GREM2: variants seen among roughly 807,000 people sequenced by gnomAD.
The protein encoded by GREM2 is gremlin-2.
Under a neutral mutation model 14.2 loss-of-function variants are expected in GREM2, and 11 were observed. The ratio of observed to expected loss-of-function variants is 0.78; its 90% CI spans 0.49 to 1.28. The LOEUF (loss-of-function observed/expected upper bound fraction) is 1.28. GREM2 is among the 50% of genes most tolerant of loss of function. GREM2 has a pLI of 0.00. For synonymous variants in GREM2, 98 were observed against 97.6 expected (o/e 1.00, Z -0.02); for missense variants, 210 against 218.5 (o/e 0.96, Z 0.24).
At chr1:240,539,819 A>G (rs1246687372) in intron 1 of GREM2, among the ~76,000 whole-genome samples, 1 of 152,036 alleles carries the variant, frequency 6.6e-6, no homozygotes, top group Non-Finnish European at 1.5e-5. Context: ...CTGGAAACCA[A>G]TTCTGCCTTC....
At chr1:240,527,421 A>G (rs2103310348) in intron 1 of GREM2, among the ~76,000 whole-genome samples, 2 of 152,282 alleles carry the variant, frequency 1.3e-5, no homozygotes, top group East Asian at 3.9e-4. Flanking sequence ...TTTTGAACCA[A>G]CTTCTTAGTG....
At position 240,543,489 on chromosome 1, in the gene GREM2, A is replaced by C. The variant is rs1430129060; in HGVS notation, c.-1-50013T>G. Among the ~76,000 whole-genome samples the C allele has an allele frequency of 2.6e-5, 4 of 152,264 alleles. No homozygotes were observed. The East Asian group carries it at 7.7e-4, about 29-fold the overall frequency. On this transcript the variant is annotated intron_variant, in intron 1 of 1. Transcript: ENST00000318160. The surrounding 1 kb of genome is among the most constrained non-coding windows in gnomAD (Gnocchi z 6.4). ...GTGAGACTTATTCACTACCATGATA[A>C]CAGTAGGGGGGAAACCGCCCTTGTG...
At chr1:240,522,572 C>A in intron 1 of GREM2, among the ~76,000 whole-genome samples, 1 of 152,102 alleles carries the variant, frequency 6.6e-6, no homozygotes, top group South Asian at 2.1e-4. Flanking sequence ...GTAAAAGGCA[C>A]CTCTATGTTA....
chr1:240,522,138 A>AAAAAAAAC (rs1558148106), intron 1 of GREM2, among the ~76,000 whole-genome samples: 1 of 150,758 alleles, frequency 6.6e-6, no homozygotes, highest in African/African-American at 2.5e-5. Flanking sequence ...AAAAAAAACA[A>AAAAAAAAC]AAACAAACAA....
At chr1:240,591,681 G>A (rs747433498) in intron 1 of GREM2, among the ~76,000 whole-genome samples, 10 of 152,080 alleles carry the variant, frequency 6.6e-5, no homozygotes, top group African/African-American at 1.2e-4. Flanking sequence ...AGATGATCAC[G>A]GATTGGGTTG....
At chr1:240,510,736 T>G (rs1677806098) in intron 1 of GREM2, among the ~76,000 whole-genome samples, 1 of 152,220 alleles carries the variant, frequency 6.6e-6, no homozygotes. Flanking sequence ...ACATTTAAAT[T>G]AATAAAAAAT....
intron 1 of GREM2, among the ~76,000 whole-genome samples, chr1:240,553,712 G>A (rs1265374872): frequency 1.3e-5 from 2 of 152,162 alleles, no homozygotes; most frequent in Non-Finnish European, 2.9e-5. Context: ...GTGCATGCAT[G>A]TATAAATAAT....
chr1:240,582,393 C>T (rs1679502254), intron 1 of GREM2, among the ~76,000 whole-genome samples: 1 of 152,134 alleles, frequency 6.6e-6, no homozygotes, highest in Admixed American at 6.5e-5. Context: ...CAAGATCGTG[C>T]CATTGCACTC....
chr1:240,602,965 C>T lies in GREM2; in HGVS notation c.-2+8919G>A, dbSNP rs181485386. Reference sequence around the variant, plus strand: ...GCGGGCGCCTGTAGTCCCAGCTACTCGGGAGGCTGAGGCAGGAGAATGGCG... The same window carrying T: ...GCGGGCGCCTGTAGTCCCAGCTACTTGGGAGGCTGAGGCAGGAGAATGGCG... On this transcript the variant is annotated intron_variant, in intron 1 of 1. Coordinates refer to ENST00000318160, the MANE Select transcript of GREM2 (RefSeq NM_022469.4). Among the ~76,000 whole-genome samples the T allele has an allele frequency of 1.6e-3, 240 of 150,748 alleles. 1 individual carries two copies. The highest frequency in any genetic ancestry group is 5.3e-3 in the African/African-American group (218 of 40,956).
chr1:240,561,088 T>C (rs1193665711), intron 1 of GREM2, among the ~76,000 whole-genome samples: 1 of 152,214 alleles, frequency 6.6e-6, no homozygotes, highest in Admixed American at 6.5e-5. Context: ...TGAGATAATC[T>C]TATTTTTCTG....
chr1:240,535,842 C>T (rs1484073028), intron 1 of GREM2, among the ~76,000 whole-genome samples: 1 of 149,944 alleles, frequency 6.7e-6, no homozygotes, highest in Non-Finnish European at 1.5e-5. Context: ...AATATTTATA[C>T]CAGATACCCT....
chr1:240,571,145 C>A (rs986255705), intron 1 of GREM2, among the ~76,000 whole-genome samples: 3 of 152,250 alleles, frequency 2.0e-5, no homozygotes, highest in Admixed American at 1.3e-4. Flanking sequence ...TGTAAAAAAA[C>A]TTCCAATTTT....
intron 1 of GREM2, among the ~76,000 whole-genome samples, chr1:240,544,952 A>G (rs1678683682): frequency 6.6e-6 from 1 of 152,250 alleles, no homozygotes; most frequent in African/African-American, 2.4e-5. Context: ...AATAAGATCA[A>G]ATGTTATTGT....
chr1:240,546,517 A>T (rs1233158873), intron 1 of GREM2, among the ~76,000 whole-genome samples: 1 of 152,172 alleles, frequency 6.6e-6, no homozygotes, highest in African/African-American at 2.4e-5. Flanking sequence ...AGACTTTATC[A>T]TATTATCTCT....
At chr1:240,563,765 A>C (rs1679118844) in intron 1 of GREM2, among the ~76,000 whole-genome samples, 1 of 152,038 alleles carries the variant, frequency 6.6e-6, no homozygotes, top group Admixed American at 6.6e-5. Context: ...CCCATTTTTC[A>C]CCCACTTGTT....
chr1:240,565,800 C>G (rs1278805002), intron 1 of GREM2, among the ~76,000 whole-genome samples: 1 of 149,958 alleles, frequency 6.7e-6, no homozygotes, highest in East Asian at 2.0e-4. Flanking sequence ...GAGCCAAGAT[C>G]GCACCACTGC....
chr1:240,493,335 G>C lies in GREM2; in HGVS notation c.141C>G (p.His47Gln), dbSNP rs200188202. ...TGGAGGCCAGCACCTCCTTGATCTG[G>C]TGCTGCCATCTCTCCGAGTTGTTGC... is the stretch of plus-strand genomic sequence containing the variant. Reference protein sequence around the residue: ...GSSNNSERWQHQIKEVLASSQ... With the variant: ...GSSNNSERWQQQIKEVLASSQ... Residue 47 changes from histidine (H) to glutamine (Q), a missense_variant, in exon 2 of 2, where the codon CAC (histidine) becomes CAG (glutamine). Transcript: ENST00000318160. 2.4e-5 allele frequency: 39 copies of C among 1,613,942 alleles called. No homozygotes were observed. The highest frequency in any genetic ancestry group is 3.0e-5 in the Non-Finnish European group (35 of 1,180,034).
chr1:240,600,794 T>G (rs1679907617), intron 1 of GREM2, among the ~76,000 whole-genome samples: 1 of 152,206 alleles, frequency 6.6e-6, no homozygotes, highest in East Asian at 1.9e-4. Flanking sequence ...GTGTTTTTAT[T>G]GCTGACATGC....
chr1:240,524,950 T>C (rs1307096982), intron 1 of GREM2, among the ~76,000 whole-genome samples: 1 of 152,144 alleles, frequency 6.6e-6, no homozygotes, highest in Non-Finnish European at 1.5e-5. Context: ...GGCCTAGTTC[T>C]CACCTCCTGT....
Sources: gnomAD v4.1 joint callset for allele counts (sites outside exome capture counted in the v4.1 genomes callset) on GRCh38, gnomAD v4.1.1 for gene constraint, Gnocchi (gnomAD v3.1) non-coding constraint, MANE v1.5 for transcripts, NCBI Gene and HGNC (gene_info 2026-07-23, HGNC 2026-07-21) for gene names.